The following CC2D2B variants were observed in gnomAD, a reference collection of about 807,000 sequenced individuals.
CC2D2B encodes the protein coiled-coil and C2 domain containing 2B, also known as protein CC2D2B.
A neutral mutation model predicts 161.2 loss-of-function variants in CC2D2B; 128 were observed. That is an observed-to-expected ratio of 0.79 (90% CI 0.69 to 0.92). The LOEUF is 0.92. Ranked by LOEUF, CC2D2B falls within the 40% of genes least tolerant of loss-of-function variation. The pLI is 0.00. For missense variants in CC2D2B, 1,173 were observed against 1,375.1 expected, an observed-to-expected ratio of 0.85 and a Z score of 2.32; for synonymous variants, 391 against 449.8, an observed-to-expected ratio of 0.87 and a Z score of 1.65.
chr10:95,944,732 G>T (rs1392450347), intron 9 of CC2D2B, among the ~76,000 whole-genome samples: 2 of 152,060 alleles, frequency 1.3e-5, no homozygotes, highest in African/African-American at 4.8e-5. Flanking sequence ...GAAACCACTG[G>T]GCTGAACAAG....
chr10:96,019,634 C>A, intron 31 of CC2D2B, 68 bp from the exon 32 acceptor site: 1 of 1,483,750 alleles, frequency 6.7e-7, no homozygotes, highest in Non-Finnish European at 9.0e-7. Context: ...AATTTTGCTC[C>A]TTCCTTACCA....
In CC2D2B at chr10:95,938,063, G is replaced by A; in HGVS notation, c.409G>A (p.Glu137Lys). Residue 137 changes from glutamate to lysine, a missense_variant, in exon 7 of 35, where the codon GAG becomes AAG. Physicochemically the swap from Glu to Lys is moderately conservative, Grantham distance 56. Around this residue, in one of 3 missense-constraint regions of CC2D2B, gnomAD observed 298 missense variants for 261.2 expected, o/e 1.14. Coordinates refer to ENST00000646931, the MANE Select transcript of CC2D2B (RefSeq NM_001349008.3). ...TTTACAAAATGTTGCTGAGAGTGAA[G>A]AGGAAGAGTTTATGAAAGAATTCAT... ...VNLQNVAESE[E>K]EEFMKEFILT... The A allele has an allele frequency of 6.4e-7, 1 of 1,550,674 alleles. No individual in the cohort carries two copies. Among genetic ancestry groups the A allele is most frequent in the Non-Finnish European group, 8.7e-7 (1 of 1,146,160 alleles).
chr10:96,003,528 C>T (rs1355995191), intron 24 of CC2D2B, among the ~76,000 whole-genome samples: 1 of 151,784 alleles, frequency 6.6e-6, no homozygotes, highest in Non-Finnish European at 1.5e-5. Flanking sequence ...AAGCGATTCT[C>T]CTGCCTCAGC....
At chr10:96,028,020 A>G (rs544486881) in intron 34 of CC2D2B, among the ~76,000 whole-genome samples, 1 of 152,300 alleles carries the variant, frequency 6.6e-6, no homozygotes, top group African/African-American at 2.4e-5. Flanking sequence ...AAGGCCTCAA[A>G]CTATGAAATT....
chr10:96,017,590 C>T (rs1723722653), intron 30 of CC2D2B, among the ~76,000 whole-genome samples: 1 of 151,978 alleles, frequency 6.6e-6, no homozygotes, highest in African/African-American at 2.4e-5. Flanking sequence ...GGCTGCACAG[C>T]GTAGTTTTAA....
chr10:96,018,732 CTTTCTTT>C (rs1483056521), intron 30 of CC2D2B: 2 of 107,284 alleles, frequency 1.9e-5, no homozygotes, highest in African/African-American at 6.9e-5. Context: ...TTTTCTTTTT[CTTTCTTT>C]TTTTTTTTTT....
intron 10 of CC2D2B, among the ~76,000 whole-genome samples, chr10:95,951,254 G>A (rs2076391579): frequency 6.6e-6 from 1 of 151,952 alleles, no homozygotes; most frequent in African/African-American, 2.4e-5. Flanking sequence ...GGCTCAAGCT[G>A]TCCTCCCACT....
At chr10:95,917,183 A>G (rs1042362286) in intron 2 of CC2D2B, among the ~76,000 whole-genome samples, 2 of 152,134 alleles carry the variant, frequency 1.3e-5, no homozygotes, top group Non-Finnish European at 2.9e-5. Flanking sequence ...TTTATCTGAT[A>G]TAATTATAGC....
intron 2 of CC2D2B, among the ~76,000 whole-genome samples, chr10:95,914,254 A>C (rs1053847034): frequency 1.3e-5 from 2 of 152,102 alleles, no homozygotes; most frequent in African/African-American, 4.8e-5. Context: ...CACCTTGTTG[A>C]AAATGATTTC....
chr10:95,908,280 T>A (rs1300478277), intron 1 of CC2D2B, among the ~76,000 whole-genome samples: 1 of 152,184 alleles, frequency 6.6e-6, no homozygotes, highest in Non-Finnish European at 1.5e-5. Flanking sequence ...CAGTGTTTGA[T>A]TTGCAAGAAA....
At chr10:95,981,329 G>T in intron 17 of CC2D2B, among the ~76,000 whole-genome samples, 1 of 148,652 alleles carries the variant, frequency 6.7e-6, no homozygotes, top group South Asian at 2.1e-4. Flanking sequence ...GGAGGCAGAG[G>T]TTGCAGTGAG....
intron 19 of CC2D2B, among the ~76,000 whole-genome samples, 200 bp downstream of exon 19, chr10:95,984,009 CCAAA>C (rs937596179): frequency 1.1e-4 from 16 of 152,058 alleles, no homozygotes; most frequent in African/African-American, 3.9e-4. Context: ...TTAGTGTTGT[CCAAA>C]CAGTCTATTC....
chr10:96,000,887 T>C (rs972112157), intron 24 of CC2D2B: 2 of 152,216 alleles, frequency 1.3e-5, no homozygotes, highest in African/African-American at 4.8e-5. Context: ...CTTTCCTTAC[T>C]TTAGAACATA....
rs182264347 is a variant in CC2D2B at position 96,003,423 on chromosome 10, A to T, written c.2850-729A>T. Reference sequence around the variant, plus strand: ...AGAGAATAAATTCCGTTATTTATTTATGTATTTATTTAGAGATGGAGTTCT... The same window carrying T: ...AGAGAATAAATTCCGTTATTTATTTTTGTATTTATTTAGAGATGGAGTTCT... On this transcript the variant is annotated intron_variant, in intron 24 of 34. Coordinates refer to ENST00000646931, the MANE Select transcript of CC2D2B (RefSeq NM_001349008.3). 4.3e-3 allele frequency among the ~76,000 whole-genome samples: 499 copies of T among 116,742 alleles called. 1 individual carries two copies. The highest frequency in any genetic ancestry group is 0.013 in the African/African-American group (441 of 33,234). 76.6% of individuals were successfully genotyped at this position (116,742 alleles called of 152,430 possible).
intron 2 of CC2D2B, among the ~76,000 whole-genome samples, chr10:95,911,946 G>C (rs952102994): frequency 1.3e-5 from 2 of 152,154 alleles, no homozygotes; most frequent in Non-Finnish European, 2.9e-5. Flanking sequence ...GGTTGAATAA[G>C]ATGTAAGGGA....
At chr10:95,941,357 A>G (rs932497194) in intron 9 of CC2D2B, among the ~76,000 whole-genome samples, 1 of 152,220 alleles carries the variant, frequency 6.6e-6, no homozygotes, top group Non-Finnish European at 1.5e-5. Flanking sequence ...ACAACAAACT[A>G]AAATGCATCT....
intron 29 of CC2D2B, among the ~76,000 whole-genome samples, chr10:96,015,231 A>ATTTTTTTTT (rs58739011): frequency 2.7e-5 from 3 of 111,330 alleles, no homozygotes; most frequent in African/African-American, 7.1e-5. Context: ...GGCCCAGCTA[A>ATTTTTTTTT]TTTTTTTTTT....
At position 96,018,814 on chromosome 10, in the gene CC2D2B, T is replaced by C. The variant is rs1332383786; in HGVS notation, c.3631-389T>C. ...ATTTATTTTTGTTGTTTGTTTGTTA[T>C]TGAGACAGGATCTCACTCTGTCACC... On this transcript the variant is annotated intron_variant, in intron 30 of 34. Transcript: ENST00000646931. 4 of 154,236 alleles carry C rather than the reference T, an allele frequency of 2.6e-5. No individual in the cohort carries two copies. In the Admixed American group the frequency reaches 2.6e-4, roughly 10 times the overall value. The allele number at this position is 154,236 out of a possible 1,614,324, so 9.6% of individuals were successfully genotyped here.
intron 16 of CC2D2B, 67 bp from the exon 17 acceptor site, chr10:95,973,942 A>G: frequency 1.1e-6 from 1 of 942,934 alleles, no homozygotes; most frequent in South Asian, 5.5e-5. Context: ...AACTCAGGAA[A>G]AAACCCACAA....
Sources: allele counts gnomAD v4.1 joint callset (sites outside exome capture counted in the v4.1 genomes callset), GRCh38; gene constraint gnomAD v4.1.1; regional missense constraint gnomAD v4.1.1; transcripts MANE v1.5; gene names NCBI Gene and HGNC (gene_info 2026-07-23, HGNC 2026-07-21).